Variants in THADA observed in about 807,000 individuals in gnomAD.
THADA encodes the protein tRNA (32-2'-O)-methyltransferase regulator THADA.
Under a neutral mutation model 219.8 loss-of-function variants are expected in THADA, and 213 were observed. That is an observed-to-expected ratio of 0.97 (90% CI 0.87 to 1.09). THADA has a LOEUF of 1.09. Ranked by LOEUF, THADA falls within the 50% of genes least tolerant of loss-of-function variation. The pLI is 0.00. For synonymous variants in THADA, 1,018 were observed against 828.9 expected (o/e 1.23, Z -3.92); for missense variants, 2,956 against 2,311.3 (o/e 1.28, Z -5.72).
intron 26 of THADA, among the ~76,000 whole-genome samples, chr2:43,473,534 ATATAT>A (rs764264547): frequency 2.0e-5 from 3 of 152,144 alleles, no homozygotes; most frequent in African/African-American, 2.4e-5. Flanking sequence ...ACAATAAAAG[ATATAT>A]TATAGTAAAT....
At chr2:43,416,792 G>A (rs1677039951) in intron 28 of THADA, among the ~76,000 whole-genome samples, 1 of 152,162 alleles carries the variant, frequency 6.6e-6, no homozygotes, top group African/African-American at 2.4e-5. Flanking sequence ...CCACTTCAGA[G>A]GCCTTGGAGT....
intron 36 of THADA, among the ~76,000 whole-genome samples, chr2:43,242,546 C>G (rs901966741): frequency 6.6e-6 from 1 of 151,960 alleles, no homozygotes; most frequent in Non-Finnish European, 1.5e-5. Flanking sequence ...GGCTGGAGTG[C>G]AGTGGTGTGG....
At chr2:43,300,204 C>T (rs544679834) in intron 31 of THADA, among the ~76,000 whole-genome samples, 19 of 151,696 alleles carry the variant, frequency 1.3e-4, no homozygotes, top group Middle Eastern at 3.4e-3. Flanking sequence ...GGCACCATCT[C>T]GGCTCACTGC....
chr2:43,557,154 T>C (rs1252349491), intron 16 of THADA, among the ~76,000 whole-genome samples: 1 of 152,180 alleles, frequency 6.6e-6, no homozygotes, highest in Non-Finnish European at 1.5e-5. Context: ...AATATAAACA[T>C]TAGTTTCCTC....
chr2:43,549,202 CAA>C lies in THADA; in HGVS notation c.3106+6_3106+7del. On this transcript the variant is annotated splice_donor_region_variant and intron_variant, in intron 20 of 37. Transcript: ENST00000405975. The stretch of plus-strand genomic sequence containing the variant: ...CATGAATTACAGTATCCATTTTATA[CAA>C]GTTACCTTTGATTTCTGTAGAAGTA... 6.4e-7 allele frequency: 1 copy of C among 1,553,532 alleles called. No individual in the cohort carries two copies. Among genetic ancestry groups the C allele is most frequent in the Non-Finnish European group, 8.7e-7 (1 of 1,151,470 alleles).
intron 30 of THADA, among the ~76,000 whole-genome samples, chr2:43,337,677 A>G (rs1005204719): frequency 2.7e-5 from 4 of 149,482 alleles, no homozygotes; most frequent in Non-Finnish European, 5.9e-5. Flanking sequence ...GCAATAACCC[A>G]CAATCACACA....
chr2:43,515,740 A>T (rs1246757427), intron 22 of THADA, among the ~76,000 whole-genome samples: 2 of 152,068 alleles, frequency 1.3e-5, no homozygotes, highest in African/African-American at 2.4e-5. Context: ...TACCCCGTTA[A>T]AGTACATTCA....
At position 43,249,594 on chromosome 2, in the gene THADA, G is replaced by C. The variant is rs560923362; in HGVS notation, c.5297-16712C>G. Among the ~76,000 whole-genome samples, 8 of 152,302 alleles carry C rather than the reference G, an allele frequency of 5.3e-5. No homozygotes were observed. The East Asian group carries it at 1.2e-3, about 22-fold the overall frequency. On this transcript the variant is annotated intron_variant, in intron 36 of 37. Coordinates refer to ENST00000405975, the MANE Select transcript of THADA (RefSeq NM_022065.5). ...TTCTACGTGGCTTCCCGGCCCCCTA[G>C]TTGCAGGAAAAAGTAAGTTCACAGC...
In THADA at chr2:43,362,431, G is replaced by A. The variant is rs187264764; in HGVS notation, c.4228-18194C>T. On this transcript the variant is annotated intron_variant, in intron 29 of 37. Coordinates refer to ENST00000405975, the MANE Select transcript of THADA (RefSeq NM_022065.5). Reference sequence around the variant, plus strand: ...TTCATCATGTTACTGTACTGAATACGGTAGACAACTATAACACAATGGTAA... The same window carrying A: ...TTCATCATGTTACTGTACTGAATACAGTAGACAACTATAACACAATGGTAA... Among the ~76,000 whole-genome samples, 26 of 152,188 alleles carry A rather than the reference G, an allele frequency of 1.7e-4. No individual in the cohort carries two copies. The East Asian group carries it at 3.3e-3, about 19-fold the overall frequency.
In THADA at chr2:43,577,034, G is replaced by A. The variant is rs773181831; in HGVS notation, c.1025C>T (p.Thr342Ile). ...LLLDTAHVLF[T>I]LSSQIKEPTL... The stretch of plus-strand genomic sequence containing the variant: ...CATCAAAACTCACTGTGAACTCAAG[G>A]TGAACAAAACATGTGCAGTATCCAA... The change falls in exon 10 of 38, where the codon ACC (threonine) becomes ATC (isoleucine). Residue 342 changes from threonine (T) to isoleucine (I), a missense_variant. Transcript: ENST00000405975. The A allele has an allele frequency of 1.2e-6, 2 of 1,612,598 alleles. No individual in the cohort carries two copies. Among genetic ancestry groups the A allele is most frequent in the Non-Finnish European group, 1.7e-6 (2 of 1,179,338 alleles).
intron 21 of THADA, among the ~76,000 whole-genome samples, chr2:43,535,363 T>C (rs1178706521): frequency 6.6e-6 from 1 of 151,660 alleles, no homozygotes; most frequent in African/African-American, 2.4e-5. Flanking sequence ...TTGTTGTCTA[T>C]GCTTTTGAGG....
At chr2:43,588,970 A>C (rs945716006) in intron 4 of THADA, among the ~76,000 whole-genome samples, 2 of 152,222 alleles carry the variant, frequency 1.3e-5, no homozygotes, top group African/African-American at 4.8e-5. Context: ...TGGTACATTT[A>C]AATTTTGGTA....
At chr2:43,326,050 C>G (rs528635331) in intron 30 of THADA, among the ~76,000 whole-genome samples, 1 of 151,818 alleles carries the variant, frequency 6.6e-6, no homozygotes, top group African/African-American at 2.4e-5. Flanking sequence ...TTATATCTTA[C>G]GCAGCTACTA....
chr2:43,568,179 T>G (rs1304823558), intron 14 of THADA, among the ~76,000 whole-genome samples: 1 of 152,228 alleles, frequency 6.6e-6, no homozygotes, highest in Admixed American at 6.5e-5. Context: ...GATAAGAATG[T>G]TATCTCACAG....
At position 43,555,304 on chromosome 2, in the gene THADA, T is replaced by TGAGTGTTA. The variant is rs577799713; in HGVS notation, c.2674+1033_2674+1040dup. On this transcript the variant is annotated intron_variant, in intron 17 of 37. Transcript: ENST00000405975. ...GGATAAAGGAAAGGCTTCAAAGATA[T>TGAGTGTTA]GAGTGTTATTGTATGACTTAAGGTA... is the stretch of plus-strand genomic sequence containing the variant. 4.5e-4 allele frequency among the ~76,000 whole-genome samples: 68 copies of TGAGTGTTA among 151,692 alleles called. No homozygotes were observed. The East Asian group carries it at 0.012, about 27-fold the overall frequency.
intron 36 of THADA, among the ~76,000 whole-genome samples, chr2:43,233,998 G>A (rs1346722249): frequency 6.6e-6 from 1 of 151,984 alleles, no homozygotes; most frequent in Non-Finnish European, 1.5e-5. Flanking sequence ...AGACTTACTC[G>A]GCACACAGGC....
intron 31 of THADA, among the ~76,000 whole-genome samples, chr2:43,297,466 C>T (rs1248278087): frequency 7.2e-5 from 8 of 110,740 alleles, no homozygotes; most frequent in Non-Finnish European, 1.4e-4. Flanking sequence ...GTCAGCCCCC[C>T]GCCCGGCCAG....
chr2:43,246,717 AT>A (rs886991166), intron 36 of THADA, among the ~76,000 whole-genome samples: 11 of 152,180 alleles, frequency 7.2e-5, no homozygotes, highest in African/African-American at 2.7e-4. Context: ...TGATTTCAAA[AT>A]TTCTGGGAAT....
chr2:43,258,040 C>G (rs1368288033), intron 36 of THADA, among the ~76,000 whole-genome samples: 4 of 152,118 alleles, frequency 2.6e-5, no homozygotes, highest in African/African-American at 9.7e-5. Flanking sequence ...ACTGACACCT[C>G]CTACTGCTCT....
Sources: allele counts gnomAD v4.1 joint callset (sites outside exome capture counted in the v4.1 genomes callset), GRCh38; gene constraint gnomAD v4.1.1; transcripts MANE v1.5; gene names NCBI Gene and HGNC (gene_info 2026-07-23, HGNC 2026-07-21).